Variants in RCCD1 observed in about 807,000 individuals in gnomAD.
The protein encoded by RCCD1 is RCC1 domain containing 1, also known as RCC1 domain-containing protein 1.
A neutral mutation model predicts 37.6 loss-of-function variants in RCCD1; 40 were observed. That is an observed-to-expected ratio of 1.06 (90% CI 0.83 to 1.39). The LOEUF is 1.39. Ranked by LOEUF, RCCD1 falls within the 40% of genes most tolerant of loss-of-function variation. RCCD1 has a pLI of 0.00. For missense variants in RCCD1, 577 were observed against 517.3 expected, an observed-to-expected ratio of 1.12 and a Z score of -1.12; for synonymous variants, 263 against 230.0, an observed-to-expected ratio of 1.14 and a Z score of -1.30.
intron 1 of RCCD1, among the ~76,000 whole-genome samples, chr15:90,956,257 T>G (rs1224072370): frequency 2.0e-5 from 3 of 152,166 alleles, no homozygotes; most frequent in East Asian, 1.9e-4. Context: ...CCCCTCTCTG[T>G]CTGGCTGTAT....
Position 90,957,198 on chromosome 15 carries a change from G to T in RCCD1, c.252G>T (p.Ala84=). ...CGTGGGCCTCGGAGGGGCTCCTCGC[G>T]GTGCTGCGCGCCGGGCCGGGGCCGG... The part of the protein sequence containing the change: ...KDAWASEGLL[A]VLRAGPGPEA... Residue 84 remains alanine (A), a synonymous_variant, in exon 3 of 8, where the codon GCG becomes GCT. Transcript: ENST00000394258. The T allele has an allele frequency of 7.2e-7, 1 of 1,396,690 alleles. No homozygotes were observed. The highest frequency in any genetic ancestry group is 9.3e-7 in the Non-Finnish European group (1 of 1,080,094). 86.5% of individuals were successfully genotyped at this position (1,396,690 alleles called of 1,614,324 possible). A position where few individuals can be genotyped will look rare whatever the true frequency, so the allele number is the denominator to read the frequency against.
chr15:90,958,954 A>AC (rs1567168841), intron 4 of RCCD1, among the ~76,000 whole-genome samples: 20 of 40,442 alleles, frequency 4.9e-4, no homozygotes, highest in African/African-American at 1.6e-3. Flanking sequence ...AAAAAAAAAC[A>AC]AAAAAAAAAA....
chr15:90,959,305 T>C (rs1596254063), intron 4 of RCCD1, among the ~76,000 whole-genome samples: 1 of 152,160 alleles, frequency 6.6e-6, no homozygotes. Context: ...AAAGCAGCTA[T>C]TGTTAGAAAT....
Position 90,957,180 on chromosome 15 carries a change from C to G in RCCD1, c.234C>G (p.Ala78=). The change falls in exon 3 of 8, where the codon GCC becomes GCG. Residue 78 remains alanine (A), a synonymous_variant. Transcript: ENST00000394258. Reference sequence around the variant, plus strand: ...CGGGCCGCTGCAAGGACGCGTGGGCCTCGGAGGGGCTCCTCGCGGTGCTGC... The same window carrying G: ...CGGGCCGCTGCAAGGACGCGTGGGCGTCGGAGGGGCTCCTCGCGGTGCTGC... The part of the protein sequence containing the change: ...GAAGRCKDAW[A]SEGLLAVLRA... The G allele has an allele frequency of 4.3e-6, 6 of 1,387,088 alleles. No homozygotes were observed. The highest frequency in any genetic ancestry group is 5.6e-6 in the Non-Finnish European group (6 of 1,076,800). 85.9% of individuals were successfully genotyped at this position (1,387,088 alleles called of 1,614,324 possible). A position where few individuals can be genotyped will look rare whatever the true frequency, so the allele number is the denominator to read the frequency against.
intron 4 of RCCD1, 74 bp downstream of exon 4, chr15:90,957,799 TGGGGGCCTACCC>T: frequency 3.3e-6 from 5 of 1,532,368 alleles, no homozygotes; most frequent in Non-Finnish European, 4.4e-6. Flanking sequence ...CCAGTTTGGG[TGGGGGCCTACCC>T]AGGCCTCCTT....
Position 90,961,672 on chromosome 15 carries a change from G to A in RCCD1, c.1034G>A (p.Arg345His), listed in dbSNP as rs750668019. ...ACCACCAGCTTGGATCGGCCTCGCC[G>A]TGTGGAATACTTTGTAGATAAGCAA... Reference protein sequence around the residue: ...EDTTSLDRPRRVEYFVDKQLQ... With the variant: ...EDTTSLDRPRHVEYFVDKQLQ... The change falls in exon 8 of 8, where the codon CGT becomes CAT. Residue 345 changes from arginine (R) to histidine (H), a missense_variant. Transcript: ENST00000394258. 9 of 1,614,028 alleles carry A rather than the reference G, an allele frequency of 5.6e-6. No homozygotes were observed. The highest frequency in any genetic ancestry group is 1.7e-5 in the Admixed American group (1 of 60,000).
In RCCD1 at chr15:90,957,285, G is replaced by A. The variant is rs774076356; in HGVS notation, c.339G>A (p.Gln113=). 1 of 1,524,140 alleles carries A rather than the reference G, an allele frequency of 6.6e-7. No homozygotes were observed. Among genetic ancestry groups the A allele is most frequent in the Non-Finnish European group, 8.8e-7 (1 of 1,132,082 alleles). The allele number at this position is 1,524,140 out of a possible 1,614,324, so 94.4% of individuals were successfully genotyped here. ...TGCGTGGGGAGCCATTGTGGGCCCA[G>A]AATGTGGTGCCCGAGGCCGAAGGGG... The part of the protein sequence containing the change: ...SALRGEPLWA[Q]NVVPEAEGED... Residue 113 remains glutamine, a synonymous_variant, in exon 3 of 8, where the codon CAG becomes CAA. Coordinates refer to ENST00000394258, the MANE Select transcript of RCCD1 (RefSeq NM_001017919.2).
At chr15:90,956,110 C>G (rs2037186590) in intron 1 of RCCD1, among the ~76,000 whole-genome samples, 1 of 152,140 alleles carries the variant, frequency 6.6e-6, no homozygotes, top group Admixed American at 6.5e-5. Flanking sequence ...CAGTTGGACT[C>G]AGGTGGATTG....
intron 7 of RCCD1, 111 bp from the exon 8 acceptor site, chr15:90,961,507 G>A: frequency 1.6e-6 from 2 of 1,256,120 alleles, no homozygotes; most frequent in Non-Finnish European, 2.2e-6. Context: ...GATTCACAGA[G>A]CAGTGGGGCA....
intron 6 of RCCD1, 26 bp downstream of exon 6, chr15:90,960,524 C>A (rs1232742631): frequency 6.3e-7 from 1 of 1,589,106 alleles, no homozygotes; most frequent in Admixed American, 1.7e-5. Flanking sequence ...AGGCACTCTG[C>A]TCCACTCGAG....
In RCCD1 at chr15:90,960,333, G is replaced by T. The variant is rs776177411; in HGVS notation, c.784G>T (p.Glu262Ter). The T allele has an allele frequency of 1.9e-6, 3 of 1,603,410 alleles. No individual in the cohort carries two copies. The highest frequency in any genetic ancestry group is 2.6e-6 in the Non-Finnish European group (3 of 1,174,294). The change falls in exon 6 of 8, where the codon GAA (glutamate) becomes TAA (stop). Residue 262 changes from glutamate to a stop codon, truncating the protein, a stop_gained. Transcript: ENST00000394258. LOFTEE classifies it high-confidence loss of function. Reference sequence around the variant, plus strand: ...TCATTATTATCATTCTGAAGCCACAGAACTGAATGAAGATGGTTCTCAGGT... The same window carrying T: ...TCATTATTATCATTCTGAAGCCACATAACTGAATGAAGATGGTTCTCAGGT... The part of the protein sequence containing the change: ...DGETVAREAT[E>*]LNEDGSQVKR...
intron 5 of RCCD1, 24 bp from the exon 6 acceptor site, chr15:90,960,304 C>G (rs1461541128): frequency 3.2e-6 from 5 of 1,577,270 alleles, no homozygotes; most frequent in Non-Finnish European, 4.3e-6. Context: ...AGTTGGTGTT[C>G]ACATCATTAT....
rs1046179799 is a variant in RCCD1, at chr15:90,957,414, G to A, written c.468G>A (p.Pro156=). The A allele has an allele frequency of 6.5e-7, 1 of 1,540,330 alleles. No individual in the cohort carries two copies. Among genetic ancestry groups the A allele is most frequent in the Non-Finnish European group, 8.7e-7 (1 of 1,145,746 alleles). The change falls in exon 3 of 8, where the codon CCG becomes CCA. Residue 156 remains proline (P), a synonymous_variant. Transcript: ENST00000394258. ...PRAPFYRPLA[P]ELRARQLELG... is the part of the protein sequence containing the mutation. ...CGCCCTTCTACCGGCCTCTGGCTCCGGAGCTGCGGGCACGCCAGCTGGAGC... is the reference window on the plus strand; with the variant it reads ...CGCCCTTCTACCGGCCTCTGGCTCCAGAGCTGCGGGCACGCCAGCTGGAGC...
intron 5 of RCCD1, 111 bp downstream of exon 5, chr15:90,960,109 C>T (rs992577307): frequency 3.0e-6 from 3 of 1,004,966 alleles, no homozygotes; most frequent in East Asian, 2.4e-5. Context: ...AGCATGTGAG[C>T]CCCTTATGGG....
In RCCD1 at chr15:90,959,906, G is replaced by T; in HGVS notation, c.686G>T (p.Gly229Val). The T allele has an allele frequency of 1.2e-6, 2 of 1,611,862 alleles. No homozygotes were observed. The highest frequency in any genetic ancestry group is 1.7e-6 in the Non-Finnish European group (2 of 1,178,472). The change falls in exon 5 of 8, where the codon GGG becomes GTG. Residue 229 changes from glycine (G) to valine (V), a missense_variant. By Grantham distance (109) the Gly-to-Val change is moderately radical (BLOSUM62 -3). Transcript: ENST00000394258. ...TCCCCTTGATCTCTTTCAGAGACTG[G>T]GGATATTTATATCTGGGGCTGGAAT... ...GWHSVCVSETGDIYIWGWNES... is the reference protein window; with the variant it reads ...GWHSVCVSETVDIYIWGWNES...
At chr15:90,958,122 C>G (rs569017819) in intron 4 of RCCD1, among the ~76,000 whole-genome samples, 2 of 152,226 alleles carry the variant, frequency 1.3e-5, no homozygotes, top group Non-Finnish European at 2.9e-5. Context: ...CACTGGGGTG[C>G]CCACCAGGCA....
rs1265052445 is a variant in RCCD1 at position 90,956,687 on chromosome 15, CG to C, written c.-45del. 1 of 1,249,912 alleles carries C rather than the reference CG, an allele frequency of 8.0e-7. No individual in the cohort carries two copies. Among genetic ancestry groups the C allele is most frequent in the Non-Finnish European group, 1.0e-6 (1 of 996,588 alleles). 77.4% of individuals were successfully genotyped at this position (1,249,912 alleles called of 1,614,324 possible). A position where few individuals can be genotyped will look rare whatever the true frequency, so the allele number is the denominator to read the frequency against. ...AGCGGGCTCTTCGCAAGAATCCCCCCGGGCCCGCCGCAGCCAGGCGGCGGCC... is the reference window on the plus strand; with the variant it reads ...AGCGGGCTCTTCGCAAGAATCCCCCCGGCCCGCCGCAGCCAGGCGGCGGCC... On this transcript the variant is annotated 5_prime_UTR_variant, in exon 2 of 8. Coordinates refer to ENST00000394258, the MANE Select transcript of RCCD1 (RefSeq NM_001017919.2).
intron 7 of RCCD1, 160 bp from the exon 8 acceptor site, chr15:90,961,458 C>G (rs2037312693): frequency 1.3e-6 from 1 of 791,060 alleles, no homozygotes; most frequent in Non-Finnish European, 1.9e-6. Context: ...CCACTAGCCT[C>G]TTGGGGATCC....
intron 6 of RCCD1, 110 bp from the exon 7 acceptor site, chr15:90,960,915 G>T: frequency 3.0e-6 from 3 of 1,000,530 alleles, no homozygotes; most frequent in Non-Finnish European, 1.6e-6. Context: ...ATGCCAGGCA[G>T]ATCTCATGAG....
Sources: allele counts gnomAD v4.1 joint callset (sites outside exome capture counted in the v4.1 genomes callset), GRCh38; gene constraint gnomAD v4.1.1; transcripts MANE v1.5; gene names NCBI Gene and HGNC (gene_info 2026-07-23, HGNC 2026-07-21).